Variants in SEC63 observed in about 807,000 individuals in gnomAD.
SEC63 encodes translocation protein SEC63 homolog.
A neutral mutation model predicts 116.2 loss-of-function variants in SEC63; 56 were observed. That is an observed-to-expected ratio of 0.48 (90% CI 0.39 to 0.60). The LOEUF (loss-of-function observed/expected upper bound fraction) is 0.60, where lower values mean the gene tolerates loss of function less well. SEC63 is among the 20% of genes least tolerant of loss of function. SEC63 has a pLI of 0.00. For synonymous variants in SEC63, 273 were observed against 294.6 expected (o/e 0.93, Z 0.75); for missense variants, 668 against 900.0 (o/e 0.74, Z 3.30).
Position 107,871,534 on chromosome 6 carries a change from T to C in SEC63, c.*170A>G, listed in dbSNP as rs979298243. 1.4e-6 allele frequency: 1 copy of C among 695,494 alleles called. No individual in the cohort carries two copies. Among genetic ancestry groups the C allele is most frequent in the Non-Finnish European group, 2.6e-6 (1 of 388,872 alleles). The allele number at this position is 695,494 out of a possible 1,614,324, so 43.1% of individuals were successfully genotyped here. A position where few individuals can be genotyped will look rare whatever the true frequency, so the allele number is the denominator to read the frequency against. On this transcript the variant is annotated 3_prime_UTR_variant, in exon 21 of 21. Coordinates refer to ENST00000369002, the MANE Select transcript of SEC63 (RefSeq NM_007214.5). ...TCAATAAGCCTTAACATTTTTCAGGTTGTACCAAGGCACCGCCACTGCCTA... is the reference window on the plus strand; with the variant it reads ...TCAATAAGCCTTAACATTTTTCAGGCTGTACCAAGGCACCGCCACTGCCTA...
At chr6:107,884,929 G>GA (rs66992618) in intron 16 of SEC63, among the ~76,000 whole-genome samples, 10 of 147,062 alleles carry the variant, frequency 6.8e-5, no homozygotes, top group South Asian at 2.1e-4. Flanking sequence ...GAAAAAAGTG[G>GA]AAAAAAAAAA....
intron 1 of SEC63, among the ~76,000 whole-genome samples, chr6:107,933,197 G>C (rs908912352): frequency 1.5e-4 from 23 of 152,096 alleles, no homozygotes; most frequent in Non-Finnish European, 2.5e-4. Context: ...ACAGAAGCTG[G>C]AAAAGGCAAG....
In SEC63 at chr6:107,906,421, CT is replaced by C. The variant is rs532253632; in HGVS notation, c.961+26del. The C allele has an allele frequency of 8.2e-5, 133 of 1,612,940 alleles. No individual in the cohort carries two copies. In the East Asian group the frequency reaches 2.7e-3, roughly 32 times the overall value. On this transcript the variant is annotated intron_variant, in intron 10 of 20. Coordinates refer to ENST00000369002, the MANE Select transcript of SEC63 (RefSeq NM_007214.5). ...TTCTGCTGCTTTCATCCCACTAAAC[CT>C]CTGTAGATACCGGAATCACAAATAC... is the stretch of plus-strand genomic sequence containing the variant.
intron 8 of SEC63, 46 bp from the exon 9 acceptor site, chr6:107,906,823 A>G: frequency 7.3e-7 from 1 of 1,370,594 alleles, no homozygotes; most frequent in Non-Finnish European, 1.0e-6. Context: ...ATGCTCATTC[A>G]TTAATTCCCC....
intron 16 of SEC63, among the ~76,000 whole-genome samples, chr6:107,887,446 T>C (rs1786557279): frequency 6.8e-6 from 1 of 146,448 alleles, no homozygotes; most frequent in African/African-American, 2.6e-5. Flanking sequence ...ATGTCCTTTG[T>C]AGGGACATGG....
At chr6:107,888,818 G>A (rs1471256221) in intron 16 of SEC63, among the ~76,000 whole-genome samples, 2 of 152,104 alleles carry the variant, frequency 1.3e-5, no homozygotes, top group Non-Finnish European at 2.9e-5. Flanking sequence ...GAATTTTGTT[G>A]AAGGCCTTTT....
chr6:107,871,467 T>C lies in SEC63; in HGVS notation c.*237A>G. 1 of 533,460 alleles carries C rather than the reference T, an allele frequency of 1.9e-6. No individual in the cohort carries two copies. The highest frequency in any genetic ancestry group is 3.4e-6 in the Non-Finnish European group (1 of 294,628). The allele number at this position is 533,460 out of a possible 1,614,324, so 33.0% of individuals were successfully genotyped here. ...TATAATAACAAAGGATTTATTATCA[T>C]TTGCAGATGAAATAAATGTACCATC... On this transcript the variant is annotated 3_prime_UTR_variant, in exon 21 of 21. Coordinates refer to ENST00000369002, the MANE Select transcript of SEC63 (RefSeq NM_007214.5).
At chr6:107,890,503 G>A (rs1583732168) in intron 16 of SEC63, among the ~76,000 whole-genome samples, 1 of 152,126 alleles carries the variant, frequency 6.6e-6, no homozygotes, top group African/African-American at 2.4e-5. Flanking sequence ...GTATACGGAT[G>A]GGTCTTGACT....
Position 107,883,070 on chromosome 6 carries a change from T to A in SEC63, c.1751A>T (p.Asp584Val). The A allele has an allele frequency of 6.2e-7, 1 of 1,613,316 alleles. No homozygotes were observed. Among genetic ancestry groups the A allele is most frequent in the Non-Finnish European group, 8.5e-7 (1 of 1,179,700 alleles). The stretch of plus-strand genomic sequence containing the variant: ...ACCATCATCTTTCTCACTTTGGGAA[T>A]CTCTATTGGTTTCTTCTTCTTCAGA... ...SDSEEEETNR[D>V]SQSEKDDGSD... is the part of the protein sequence containing the mutation. Residue 584 changes from aspartate (D) to valine (V), a missense_variant, in exon 17 of 21, where the codon GAT (aspartate) becomes GTT (valine). Around this residue, in one of 5 missense-constraint regions of SEC63, gnomAD observed 430 missense variants for 557.5 expected, o/e 0.77. Coordinates refer to ENST00000369002, the MANE Select transcript of SEC63 (RefSeq NM_007214.5).
At chr6:107,940,944 C>T (rs1364652895) in intron 1 of SEC63, among the ~76,000 whole-genome samples, 2 of 152,028 alleles carry the variant, frequency 1.3e-5, no homozygotes, top group African/African-American at 2.4e-5. Flanking sequence ...TAGTCTTAAT[C>T]TTATAGTGAT....
In SEC63 at chr6:107,897,688, T is replaced by G; in HGVS notation, c.1401A>C (p.Leu467Phe). ...EDSNNITVGS[L>F]VTVLVKLTRQ... ...TTGTCAACTTAACCAACACTGTAAC[T>G]AAGGATCCTACTGTGATGTTGTTGC... Residue 467 changes from leucine (L) to phenylalanine (F), a missense_variant, in exon 14 of 21, where the codon TTA becomes TTC. Coordinates refer to ENST00000369002, the MANE Select transcript of SEC63 (RefSeq NM_007214.5). 1 of 1,610,738 alleles carries G rather than the reference T, an allele frequency of 6.2e-7. No individual in the cohort carries two copies. Among genetic ancestry groups the G allele is most frequent in the African/African-American group, 1.3e-5 (1 of 74,958 alleles).
intron 6 of SEC63, among the ~76,000 whole-genome samples, chr6:107,912,343 G>C (rs1787300987): frequency 6.6e-6 from 1 of 152,198 alleles, no homozygotes; most frequent in Non-Finnish European, 1.5e-5. Context: ...GGGAGGCTGA[G>C]GCAGGCAGAT....
At chr6:107,930,527 A>C (rs529494421) in intron 1 of SEC63, among the ~76,000 whole-genome samples, 2 of 151,902 alleles carry the variant, frequency 1.3e-5, no homozygotes, top group African/African-American at 4.8e-5. Context: ...GAACTGCTTG[A>C]ACCTGGGAGG....
intron 7 of SEC63, among the ~76,000 whole-genome samples, chr6:107,910,698 CATAT>C (rs1227411540): frequency 3.9e-5 from 6 of 151,940 alleles, no homozygotes; most frequent in Non-Finnish European, 8.8e-5. Flanking sequence ...ATATGTCATA[CATAT>C]ATACATACAC....
At chr6:107,905,734 A>C (rs1787134321) in intron 10 of SEC63, among the ~76,000 whole-genome samples, 1 of 152,170 alleles carries the variant, frequency 6.6e-6, no homozygotes, top group Admixed American at 6.5e-5. Flanking sequence ...CCCTCCAAAA[A>C]CTTACAAAGT....
chr6:107,891,032 T>C lies in SEC63; in HGVS notation c.1674+2450A>G, dbSNP rs868378052. Among the ~76,000 whole-genome samples the C allele has an allele frequency of 2.6e-5, 4 of 152,226 alleles. No individual in the cohort carries two copies. The South Asian group carries it at 8.3e-4, about 31-fold the overall frequency. On this transcript the variant is annotated intron_variant, in intron 16 of 20. Coordinates refer to ENST00000369002, the MANE Select transcript of SEC63 (RefSeq NM_007214.5). ...TCCTTCATTTCAGCCTTGGTGAATC[T>C]GACGGTTATGTGTCTCAGGGTTGCT...
chr6:107,936,397 G>A (rs1770243623), intron 1 of SEC63, among the ~76,000 whole-genome samples: 1 of 152,176 alleles, frequency 6.6e-6, no homozygotes, highest in Admixed American at 6.5e-5. Flanking sequence ...TCAAGTCAAA[G>A]TAACTATTAT....
At chr6:107,937,575 T>C (rs992783467) in intron 1 of SEC63, among the ~76,000 whole-genome samples, 1 of 152,172 alleles carries the variant, frequency 6.6e-6, no homozygotes, top group East Asian at 1.9e-4. Context: ...AGTAATGGGA[T>C]TGTTGGGTCA....
At chr6:107,911,737 C>T (rs1016228299) in intron 6 of SEC63, among the ~76,000 whole-genome samples, 1 of 152,176 alleles carries the variant, frequency 6.6e-6, no homozygotes, top group African/African-American at 2.4e-5. Context: ...TGACACAATA[C>T]AGATTAACAC....
Sources: gnomAD v4.1 joint callset for allele counts (sites outside exome capture counted in the v4.1 genomes callset) on GRCh38, gnomAD v4.1.1 for gene constraint, gnomAD v4.1.1 regional missense constraint, MANE v1.5 for transcripts, NCBI Gene and HGNC (gene_info 2026-07-23, HGNC 2026-07-21) for gene names.